The following CELA1 variants were observed in gnomAD, a reference collection of about 807,000 sequenced individuals.
CELA1 encodes the protein chymotrypsin-like elastase family member 1.
Under a neutral mutation model 34.8 loss-of-function variants are expected in CELA1, and 28 were observed. The ratio of observed to expected loss-of-function variants is 0.80; its 90% CI spans 0.60 to 1.10. The LOEUF (loss-of-function observed/expected upper bound fraction) is 1.10, where lower values mean the gene tolerates loss of function less well. Among genes scored for constraint, CELA1 ranks in the 50% least tolerant of loss-of-function variants. The pLI, the probability that CELA1 is intolerant of heterozygous loss-of-function variation, is 0.00. For missense variants in CELA1, 288 were observed against 327.5 expected (o/e 0.88, Z 0.93); for synonymous variants, 140 against 129.8 (o/e 1.08, Z -0.53).
At chr12:51,345,947 G>T in intron 1 of CELA1, 70 bp from the exon 2 acceptor site, 1 of 1,070,860 alleles carries the variant, frequency 9.3e-7, no homozygotes, top group Non-Finnish European at 1.4e-6. Flanking sequence ...GTGGGGGGTG[G>T]CGATTGTGCT....
In CELA1 at chr12:51,339,947, GGC is replaced by G. The variant is rs1357540568; in HGVS notation, c.520_521del (p.Ala174HisfsTer31). 2 of 1,614,166 alleles carry G rather than the reference GGC, an allele frequency of 1.2e-6. No homozygotes were observed. Among genetic ancestry groups the G allele is most frequent in the Admixed American group, 3.3e-5 (2 of 60,020 alleles). On this transcript the variant is annotated frameshift_variant, in exon 6 of 8. Coordinates refer to ENST00000293636, the MANE Select transcript of CELA1 (RefSeq NM_001971.6). LOFTEE classifies it high-confidence loss of function. ...QQAYLPSVDY[A>X]ICSSSSYWGS... ...CCCAGTAGGAGGAGCTGGAGCAGAT[GGC>G]GTAGTCCACAGAGGGCAGGTAAGCC...
chr12:51,346,672 T>C lies in CELA1; in HGVS notation c.-34A>G, dbSNP rs779600262. The C allele has an allele frequency of 1.2e-6, 2 of 1,600,578 alleles. No homozygotes were observed. The highest frequency in any genetic ancestry group is 8.6e-7 in the Non-Finnish European group (1 of 1,168,568). On this transcript the variant is annotated 5_prime_UTR_variant, in exon 1 of 8. Transcript: ENST00000293636. Reference sequence around the variant, plus strand: ...TGGAGTAGACCACTGCCTTCTTGCTTGGACCAAGCCCTCTTTATACTCCTC... The same window carrying C: ...TGGAGTAGACCACTGCCTTCTTGCTCGGACCAAGCCCTCTTTATACTCCTC...
chr12:51,338,639 A>G (rs1184582818), intron 6 of CELA1, among the ~76,000 whole-genome samples: 1 of 152,138 alleles, frequency 6.6e-6, no homozygotes, highest in Non-Finnish European at 1.5e-5. Flanking sequence ...TTGGGCTTCC[A>G]TATCACCTGT....
intron 6 of CELA1, among the ~76,000 whole-genome samples, chr12:51,330,826 C>T (rs1202062153): frequency 2.0e-5 from 3 of 151,648 alleles, no homozygotes; most frequent in Admixed American, 6.6e-5. Flanking sequence ...AAAAATTAGC[C>T]GGGCGTGGTG....
At chr12:51,329,009 C>T (rs978450602) in intron 7 of CELA1, among the ~76,000 whole-genome samples, 6 of 151,862 alleles carry the variant, frequency 4.0e-5, no homozygotes, top group African/African-American at 1.5e-4. Context: ...GTAATCCCAG[C>T]ACTTTGGGTG....
At chr12:51,329,901 C>A (rs1946459914) in intron 6 of CELA1, 68 bp from the exon 7 acceptor site, 4 of 1,435,910 alleles carry the variant, frequency 2.8e-6, no homozygotes, top group Non-Finnish European at 3.8e-6. Flanking sequence ...TCCCCCCGCC[C>A]CCGTCTCTGG....
At chr12:51,343,238 C>G (rs970286900) in intron 3 of CELA1, among the ~76,000 whole-genome samples, 6 of 151,982 alleles carry the variant, frequency 3.9e-5, no homozygotes, top group Non-Finnish European at 5.9e-5. Context: ...GTTCCTGGGC[C>G]GCAGCATGAG....
chr12:51,345,427 C>A (rs1946560286), intron 2 of CELA1, among the ~76,000 whole-genome samples: 1 of 152,204 alleles, frequency 6.6e-6, no homozygotes, highest in South Asian at 2.1e-4. Flanking sequence ...CACATGCGTG[C>A]AAGCATTGTG....
chr12:51,341,525 T>C, intron 4 of CELA1, 145 bp from the exon 5 acceptor site: 2 of 775,886 alleles, frequency 2.6e-6, no homozygotes, highest in South Asian at 3.5e-5. Context: ...TTGCTAAGCC[T>C]CAAACTAGAG....
chr12:51,330,887 G>A (rs577787851), intron 6 of CELA1, among the ~76,000 whole-genome samples: 4 of 148,096 alleles, frequency 2.7e-5, no homozygotes, highest in East Asian at 4.0e-4. Context: ...GGAGAATGGC[G>A]TGAACCCGGG....
At chr12:51,334,676 C>T (rs141964898) in intron 6 of CELA1, among the ~76,000 whole-genome samples, 28 of 152,268 alleles carry the variant, frequency 1.8e-4, no homozygotes, top group East Asian at 1.2e-3. Flanking sequence ...CCTCGTGATC[C>T]GCCTGCCTTG....
intron 2 of CELA1, among the ~76,000 whole-genome samples, chr12:51,345,173 C>T (rs1946558954): frequency 6.6e-6 from 1 of 151,962 alleles, no homozygotes; most frequent in Admixed American, 6.6e-5. Flanking sequence ...CAGTTCATGT[C>T]TCTTCTTCTA....
In CELA1 at chr12:51,328,591, T is replaced by A; in HGVS notation, c.763A>T (p.Ile255Phe). 6.2e-7 allele frequency: 1 copy of A among 1,614,134 alleles called. No individual in the cohort carries two copies. Among genetic ancestry groups the A allele is most frequent in the Non-Finnish European group, 8.5e-7 (1 of 1,180,012 alleles). The change falls in exon 8 of 8, where the codon ATC becomes TTC. Residue 255 changes from isoleucine to phenylalanine, a missense_variant. Transcript: ENST00000293636. ...SAYISWINNV[I>F]ASN ...CAGGAAAATGTTCAGTTGGAGGCGATGACCTGAAGGAAAGACAGTTATGTC... is the reference window on the plus strand; with the variant it reads ...CAGGAAAATGTTCAGTTGGAGGCGAAGACCTGAAGGAAAGACAGTTATGTC...
At chr12:51,340,161 C>A (rs1946525480) in intron 5 of CELA1, among the ~76,000 whole-genome samples, 156 bp from the exon 6 acceptor site, 1 of 152,182 alleles carries the variant, frequency 6.6e-6, no homozygotes, top group South Asian at 2.1e-4. Flanking sequence ...TCTGTCTTCT[C>A]TCTTTATATG....
chr12:51,342,700 G>A lies in CELA1; in HGVS notation c.201C>T (p.Tyr67=). The A allele has an allele frequency of 3.7e-6, 6 of 1,614,058 alleles. No individual in the cohort carries two copies. Among genetic ancestry groups the A allele is most frequent in the South Asian group, 1.1e-5 (1 of 91,074 alleles). The change falls in exon 4 of 8, where the codon TAC becomes TAT. Residue 67 remains tyrosine, a splice_region_variant and synonymous_variant. Coordinates refer to ENST00000293636, the MANE Select transcript of CELA1 (RefSeq NM_001971.6). ...CAGCCACCACGCGGAAAGTCTTCTG[G>A]CTGGCGTGAGAGAAGGAATCCCTGA... The part of the protein sequence containing the change: ...WVMTAAHCVD[Y]QKTFRVVAGD...
At position 51,332,694 on chromosome 12, in the gene CELA1, G is replaced by A. The variant is rs1423983211; in HGVS notation, c.610-2861C>T. ...AGCCTGGCCAACATAGCGAAACCCC[G>A]ACTCTACTAAAAATACAAAAAAAAT... On this transcript the variant is annotated intron_variant, in intron 6 of 7. Coordinates refer to ENST00000293636, the MANE Select transcript of CELA1 (RefSeq NM_001971.6). Among the ~76,000 whole-genome samples, 14 of 151,706 alleles carry A rather than the reference G, an allele frequency of 9.2e-5. No individual in the cohort carries two copies. In the East Asian group the frequency reaches 2.1e-3, roughly 23 times the overall value.
chr12:51,333,067 G>A (rs1946479699), intron 6 of CELA1, among the ~76,000 whole-genome samples: 1 of 150,622 alleles, frequency 6.6e-6, no homozygotes, highest in Non-Finnish European at 1.5e-5. Context: ...GTAGCTGGGA[G>A]TATAGATGTG....
At chr12:51,339,304 A>AC (rs1946518651) in intron 6 of CELA1, among the ~76,000 whole-genome samples, 1 of 152,228 alleles carries the variant, frequency 6.6e-6, no homozygotes. Context: ...TAGTCCCAGC[A>AC]CTTTGGGAGG....
At chr12:51,341,433 CAGCATATACACTGGCCCTCTCTA>C in intron 4 of CELA1, 53 bp from the exon 5 acceptor site, 1 of 1,602,218 alleles carries the variant, frequency 6.2e-7, no homozygotes, top group Non-Finnish European at 8.5e-7. Context: ...TCCCTGAGGT[CAGCATATACACTGGCCCTCTCTA>C]AGCATTTGTA....
Sources: allele counts gnomAD v4.1 joint callset (sites outside exome capture counted in the v4.1 genomes callset), GRCh38; gene constraint gnomAD v4.1.1; transcripts MANE v1.5; gene names NCBI Gene and HGNC (gene_info 2026-07-23, HGNC 2026-07-21).